Variants in GALNT2 observed in about 807,000 individuals in gnomAD.
The protein encoded by GALNT2 is UDP-GalNAc:polypeptide N-acetylgalactosaminyltransferase 2.
A neutral mutation model predicts 81.4 loss-of-function variants in GALNT2; 31 were observed. The observed-to-expected ratio is 0.38, with a 90% CI of 0.29 to 0.51. The LOEUF is 0.51. GALNT2 is among the 20% of genes least tolerant of loss of function. The pLI is 0.87. For missense variants in GALNT2, 629 were observed against 765.7 expected (o/e 0.82, Z 2.11); for synonymous variants, 303 against 287.4 (o/e 1.05, Z -0.55).
At chr1:230,186,321 C>T (rs66815418) in intron 2 of GALNT2, among the ~76,000 whole-genome samples, 13,822 of 152,166 alleles carry the variant, frequency 0.091, 722 homozygotes, top group South Asian at 0.19. Context: ...ACTGTCTCCT[C>T]CAGGAACTCT....
intron 1 of GALNT2, among the ~76,000 whole-genome samples, chr1:230,152,687 G>C (rs1662128058): frequency 6.6e-6 from 1 of 152,174 alleles, no homozygotes; most frequent in African/African-American, 2.4e-5. Flanking sequence ...AGCTATGAGA[G>C]AACTAGATAA....
intron 1 of GALNT2, among the ~76,000 whole-genome samples, chr1:230,061,470 G>C (rs1659045283): frequency 6.6e-6 from 1 of 152,154 alleles, no homozygotes; most frequent in African/African-American, 2.4e-5. Flanking sequence ...TCTAGGCTGA[G>C]AGCACATAGC....
intron 1 of GALNT2, among the ~76,000 whole-genome samples, chr1:230,101,534 A>G (rs867021774): frequency 6.6e-6 from 1 of 152,242 alleles, no homozygotes; most frequent in Non-Finnish European, 1.5e-5. Flanking sequence ...GTTTGTCAAG[A>G]CAGATAAACA....
intron 10 of GALNT2, among the ~76,000 whole-genome samples, chr1:230,253,764 A>G (rs1373910789): frequency 6.6e-6 from 1 of 152,210 alleles, no homozygotes; most frequent in African/African-American, 2.4e-5. Context: ...ACCGGGCTGT[A>G]GAACACAAGC....
intron 10 of GALNT2, among the ~76,000 whole-genome samples, chr1:230,254,992 G>A (rs527525466): frequency 1.0e-3 from 155 of 152,302 alleles, no homozygotes; most frequent in Non-Finnish European, 3.8e-4. Context: ...TTTCTTGATT[G>A]TATTGTGGTC....
rs538120083 is a variant in GALNT2, at chr1:230,223,709, G to A, written c.375-12305G>A. Among the ~76,000 whole-genome samples the A allele has an allele frequency of 7.0e-4, 107 of 152,330 alleles. 1 individual carries two copies. Among genetic ancestry groups the A allele is most frequent in the African/African-American group, 2.5e-3 (103 of 41,576 alleles). On this transcript the variant is annotated intron_variant, in intron 3 of 15. Coordinates refer to ENST00000366672, the MANE Select transcript of GALNT2 (RefSeq NM_004481.5). ...TGGTCTTGAACTCCTGACCTCAGGT[G>A]ATCCTCCTGCCTCGGCCTCCCAAAG... is the stretch of plus-strand genomic sequence containing the variant.
chr1:230,266,298 C>T (rs190046791), intron 14 of GALNT2, among the ~76,000 whole-genome samples: 81 of 152,208 alleles, frequency 5.3e-4, no homozygotes, highest in Non-Finnish European at 1.1e-3. Flanking sequence ...GCTGAGACTT[C>T]GGATTCTAAA....
chr1:230,208,400 G>A (rs1427455137), intron 3 of GALNT2, among the ~76,000 whole-genome samples: 5 of 152,222 alleles, frequency 3.3e-5, no homozygotes, highest in African/African-American at 9.6e-5. Context: ...TAGGGAGGCT[G>A]TGAGTGGAGC....
chr1:230,172,762 A>G (rs1219257981), intron 1 of GALNT2, among the ~76,000 whole-genome samples: 3 of 152,346 alleles, frequency 2.0e-5, no homozygotes, highest in Middle Eastern at 3.4e-3. Flanking sequence ...TACTGGGAAT[A>G]TTCTATTAAC....
At chr1:230,114,004 G>A (rs1033727894) in intron 1 of GALNT2, among the ~76,000 whole-genome samples, 1 of 152,140 alleles carries the variant, frequency 6.6e-6, no homozygotes. Context: ...AGTGCTTGAC[G>A]TGATAGAATG....
chr1:230,184,449 A>G (rs1238408992), intron 2 of GALNT2, among the ~76,000 whole-genome samples: 1 of 151,990 alleles, frequency 6.6e-6, no homozygotes, highest in African/African-American at 2.4e-5. Flanking sequence ...TTGGCCTCTC[A>G]GAGTGCTGGG....
At chr1:230,138,018 C>T (rs2102820634) in intron 1 of GALNT2, among the ~76,000 whole-genome samples, 1 of 152,244 alleles carries the variant, frequency 6.6e-6, no homozygotes, top group Admixed American at 6.5e-5. Flanking sequence ...GGAATTTGTT[C>T]AGTGATGACT....
chr1:230,084,436 G>A (rs1659839887), intron 1 of GALNT2, among the ~76,000 whole-genome samples: 1 of 151,978 alleles, frequency 6.6e-6, no homozygotes, highest in South Asian at 2.1e-4. Context: ...GCATGTCTGG[G>A]CAACCAAAGG....
chr1:230,094,498 C>T lies in GALNT2; in HGVS notation c.126+27092C>T, dbSNP rs569977059. On this transcript the variant is annotated intron_variant, in intron 1 of 15. Transcript: ENST00000366672. Reference sequence around the variant, plus strand: ...TAAAAATACAAAAAAATTAGCCAGGCGTGGTAGCAGGCACCTGTAATCCCA... The same window carrying T: ...TAAAAATACAAAAAAATTAGCCAGGTGTGGTAGCAGGCACCTGTAATCCCA... Among the ~76,000 whole-genome samples the T allele has an allele frequency of 7.2e-5, 11 of 152,110 alleles. No homozygotes were observed. In the East Asian group the frequency reaches 1.5e-3, roughly 21 times the overall value.
At chr1:230,186,988 G>A (rs1181427630) in intron 2 of GALNT2, among the ~76,000 whole-genome samples, 18 of 152,160 alleles carry the variant, frequency 1.2e-4, no homozygotes, top group Admixed American at 1.2e-3. Context: ...AAGTTTTATG[G>A]TTTGCAAGAA....
intron 2 of GALNT2, among the ~76,000 whole-genome samples, chr1:230,196,886 A>G (rs971845169): frequency 1.3e-5 from 2 of 152,166 alleles, no homozygotes; most frequent in Admixed American, 6.5e-5. Context: ...GTCTCTGCAC[A>G]GTCCTGAGAA....
At chr1:230,226,504 C>T (rs60670270) in intron 3 of GALNT2, among the ~76,000 whole-genome samples, 42,776 of 152,206 alleles carry the variant, frequency 0.28, 6,048 homozygotes, top group African/African-American at 0.32. Flanking sequence ...CAGGCTCTCT[C>T]GGCTCATCTC....
chr1:230,114,558 G>A (rs1480320699), intron 1 of GALNT2, among the ~76,000 whole-genome samples: 3 of 152,260 alleles, frequency 2.0e-5, no homozygotes, highest in Non-Finnish European at 4.4e-5. Flanking sequence ...GCTGGGACAT[G>A]AACAGGGGAA....
In GALNT2 at chr1:230,236,701, G is replaced by A. The variant is rs552559804; in HGVS notation, c.583G>A (p.Val195Ile). 3.1e-6 allele frequency: 5 copies of A among 1,613,680 alleles called. No homozygotes were observed. The African/African-American group carries it at 6.7e-5, about 22-fold the overall frequency. The change falls in exon 6 of 16, where the codon GTT becomes ATT. Residue 195 changes from valine to isoleucine, a missense_variant. Transcript: ENST00000366672. Reference sequence around the variant, plus strand: ...CTTGGGGAAAATTGAGAAAGTGCGAGTTCTTAGAAATGATCGACGAGAAGG... The same window carrying A: ...CTTGGGGAAAATTGAGAAAGTGCGAATTCTTAGAAATGATCGACGAGAAGG... ...ALLGKIEKVR[V>I]LRNDRREGLM...
Sources: gnomAD v4.1 joint callset for allele counts (sites outside exome capture counted in the v4.1 genomes callset) on GRCh38, gnomAD v4.1.1 for gene constraint, MANE v1.5 for transcripts, NCBI Gene and HGNC (gene_info 2026-07-23, HGNC 2026-07-21) for gene names.